Variants in PUM2 observed in about 807,000 individuals in gnomAD.
PUM2 encodes pumilio RNA binding family member 2, also known as pumilio homolog 2.
A neutral mutation model predicts 124.5 loss-of-function variants in PUM2; 57 were observed. The ratio of observed to expected loss-of-function variants is 0.46; its 90% CI spans 0.37 to 0.57. PUM2 has a LOEUF of 0.57. Among genes scored for constraint, PUM2 ranks in the 20% least tolerant of loss-of-function variants. The probability of loss-of-function intolerance (pLI) is 0.00; values close to 1 mark genes in which losing one functional copy is unlikely to be tolerated. For synonymous variants in PUM2, 460 were observed against 446.1 expected, an observed-to-expected ratio of 1.03 and a Z score of -0.39; for missense variants, 1,065 against 1,290.6, an observed-to-expected ratio of 0.83 and a Z score of 2.68.
At chr2:20,331,696 A>G (rs1055044015) in intron 1 of PUM2, 4 of 152,154 alleles carry the variant, frequency 2.6e-5, no homozygotes, top group Non-Finnish European at 5.9e-5. Context: ...TCAAGAGTCA[A>G]AGTAAGCACT....
chr2:20,340,697 A>C (rs1687054272), intron 1 of PUM2, among the ~76,000 whole-genome samples: 1 of 152,222 alleles, frequency 6.6e-6, no homozygotes, highest in Non-Finnish European at 1.5e-5. Flanking sequence ...GATAGGGTTG[A>C]AACACTCATA....
chr2:20,350,633 C>A lies in PUM2; in HGVS notation c.-55G>T, dbSNP rs925749788. On this transcript the variant is annotated 5_prime_UTR_variant, in exon 1 of 21. Coordinates refer to ENST00000361078, the MANE Select transcript of PUM2 (RefSeq NM_015317.5). ...GGCCGCGCTGCCTCAGCCGGGGACA[C>A]CGACCGTTGGGCACACGGCGGCGTC... The A allele has an allele frequency of 1.0e-6, 1 of 985,508 alleles. No homozygotes were observed. The highest frequency in any genetic ancestry group is 1.2e-6 in the Non-Finnish European group (1 of 830,028). The allele number at this position is 985,508 out of a possible 1,614,324, so 61.0% of individuals were successfully genotyped here.
chr2:20,311,760 C>A, intron 4 of PUM2, 97 bp from the exon 5 acceptor site: 1 of 1,199,954 alleles, frequency 8.3e-7, no homozygotes, highest in Non-Finnish European at 1.1e-6. Context: ...TGCATGTAAA[C>A]AATAAAAGCA....
At chr2:20,273,602 G>C (rs1438067718) in intron 13 of PUM2, among the ~76,000 whole-genome samples, 2 of 152,250 alleles carry the variant, frequency 1.3e-5, no homozygotes, top group East Asian at 1.9e-4. Flanking sequence ...CATACAACTA[G>C]TAACGTAATT....
At chr2:20,269,361 C>T (rs982446509) in intron 13 of PUM2, among the ~76,000 whole-genome samples, 3 of 151,922 alleles carry the variant, frequency 2.0e-5, no homozygotes, top group African/African-American at 4.8e-5. Flanking sequence ...CCACCACGCC[C>T]GGCTAATTTT....
chr2:20,294,652 C>G (rs1675077153), intron 8 of PUM2, 134 bp from the exon 9 acceptor site: 1 of 1,055,676 alleles, frequency 9.5e-7, no homozygotes, highest in Non-Finnish European at 1.3e-6. Context: ...TAATAAAAGA[C>G]AAAGTATTGA....
In PUM2 at chr2:20,290,726, G is replaced by A. The variant is rs768945533; in HGVS notation, c.1217C>T (p.Ala406Val). 6.2e-7 allele frequency: 1 copy of A among 1,613,556 alleles called. No homozygotes were observed. Among genetic ancestry groups the A allele is most frequent in the Non-Finnish European group, 8.5e-7 (1 of 1,179,818 alleles). The change falls in exon 10 of 21, where the codon GCA becomes GTA. Residue 406 changes from alanine (A) to valine (V), a missense_variant. Around this residue, in one of 3 missense-constraint regions of PUM2, gnomAD observed 968 missense variants for 1,159.8 expected, o/e 0.83. Transcript: ENST00000361078. ...TPNQGQQGQQ[A>V]ESLAAAAAAN... Reference sequence around the variant, plus strand: ...TGCTGCAGCTGCCGCAAGTGATTCTGCTTGCTGCCCTTGCTGACCCTGATT... The same window carrying A: ...TGCTGCAGCTGCCGCAAGTGATTCTACTTGCTGCCCTTGCTGACCCTGATT...
At chr2:20,348,240 A>T (rs989406763) in intron 1 of PUM2, among the ~76,000 whole-genome samples, 1 of 152,140 alleles carries the variant, frequency 6.6e-6, no homozygotes, top group Non-Finnish European at 1.5e-5. Context: ...TTACCTGGCT[A>T]TAAGTGTAAT....
intron 7 of PUM2, among the ~76,000 whole-genome samples, chr2:20,300,355 G>A (rs750417873): frequency 3.3e-5 from 5 of 152,052 alleles, no homozygotes; most frequent in Non-Finnish European, 7.4e-5. Flanking sequence ...CTCCATGTTG[G>A]TCAGGCTGGT....
intron 1 of PUM2, among the ~76,000 whole-genome samples, chr2:20,344,982 C>CA (rs762460030): frequency 0.064 from 4,227 of 65,998 alleles, 496 homozygotes; most frequent in African/African-American, 0.19. Flanking sequence ...GACTCTGTCT[C>CA]AAAAAAAAAA....
chr2:20,306,785 T>C (rs1678429769), intron 7 of PUM2, among the ~76,000 whole-genome samples: 1 of 151,602 alleles, frequency 6.6e-6, no homozygotes, highest in Non-Finnish European at 1.5e-5. Flanking sequence ...TTTTTGTAAT[T>C]TTGTAGAGAC....
Position 20,278,814 on chromosome 2 carries a change from T to C in PUM2, c.1726A>G (p.Ser576Gly). The C allele has an allele frequency of 1.9e-6, 3 of 1,610,234 alleles. No individual in the cohort carries two copies. Among genetic ancestry groups the C allele is most frequent in the Non-Finnish European group, 2.5e-6 (3 of 1,177,460 alleles). Residue 576 changes from serine (S) to glycine (G), a missense_variant, in exon 13 of 21, where the codon AGT becomes GGT. Ser to Gly is a moderately conservative substitution (Grantham distance 56). This residue lies in a region of PUM2 where 968 missense variants were observed against 1,159.8 expected (regional missense o/e 0.83). Coordinates refer to ENST00000361078, the MANE Select transcript of PUM2 (RefSeq NM_015317.5). The part of the protein sequence containing the change: ...ALSGFGSSVG[S>G]SASSSATRRE... The stretch of plus-strand genomic sequence containing the variant: ...CTTGTGGCACTACTACTTGCAGAAC[T>C]GCCAACTGAAGAAGAAATAAAAAAA...
chr2:20,258,450 T>A, intron 15 of PUM2, 79 bp from the exon 16 acceptor site: 1 of 1,420,738 alleles, frequency 7.0e-7, no homozygotes, highest in Non-Finnish European at 9.7e-7. Context: ...GTGTTTGCAG[T>A]CTATTCATTC....
At chr2:20,252,745 C>T (rs1315941832) in intron 20 of PUM2, among the ~76,000 whole-genome samples, 1 of 152,144 alleles carries the variant, frequency 6.6e-6, no homozygotes, top group African/African-American at 2.4e-5. Flanking sequence ...CTCCCCACAA[C>T]ATAAACACAA....
At chr2:20,255,122 C>G (rs776883188) in intron 18 of PUM2, 94 bp downstream of exon 18, 424 of 1,479,800 alleles carry the variant, frequency 2.9e-4, no homozygotes, top group Non-Finnish European at 3.7e-4. Flanking sequence ...TCACTCTTGT[C>G]TATAGTGTGT....
At chr2:20,261,363 C>A in intron 14 of PUM2, among the ~76,000 whole-genome samples, 1 of 126,938 alleles carries the variant, frequency 7.9e-6, no homozygotes, top group Non-Finnish European at 1.6e-5. Flanking sequence ...CATTGCACTC[C>A]AGCCTAAGCG....
At chr2:20,272,634 T>G (rs1385614012) in intron 13 of PUM2, among the ~76,000 whole-genome samples, 1 of 152,262 alleles carries the variant, frequency 6.6e-6, no homozygotes, top group Non-Finnish European at 1.5e-5. Context: ...CAAAACTGTC[T>G]TCACTACTTT....
chr2:20,304,475 A>G (rs896588689), intron 7 of PUM2, among the ~76,000 whole-genome samples: 4 of 152,242 alleles, frequency 2.6e-5, no homozygotes, highest in Non-Finnish European at 5.9e-5. Context: ...CATGAAAATT[A>G]TTTGAAATTC....
At chr2:20,252,080 T>A (rs1558463242) in intron 20 of PUM2, among the ~76,000 whole-genome samples, 1 of 152,124 alleles carries the variant, frequency 6.6e-6, no homozygotes, top group Non-Finnish European at 1.5e-5. Flanking sequence ...TTAGGGAGGA[T>A]CCAAATATAA....
Sources: gnomAD v4.1 joint callset for allele counts (sites outside exome capture counted in the v4.1 genomes callset) on GRCh38, gnomAD v4.1.1 for gene constraint, gnomAD v4.1.1 regional missense constraint, MANE v1.5 for transcripts, NCBI Gene and HGNC (gene_info 2026-07-23, HGNC 2026-07-21) for gene names.